The following PRPSAP2 variants were observed in gnomAD, a reference collection of about 807,000 sequenced individuals.
PRPSAP2 encodes the protein phosphoribosyl pyrophosphate synthetase associated protein 2, also known as phosphoribosyl pyrophosphate synthase-associated protein 2.
In PRPSAP2, 24 loss-of-function variants were observed where a neutral mutation model predicts 40.6. The ratio of observed to expected loss-of-function variants is 0.59; its 90% CI spans 0.43 to 0.83. The LOEUF is 0.83. Ranked by LOEUF, PRPSAP2 falls within the 40% of genes least tolerant of loss-of-function variation. PRPSAP2 has a pLI of 0.00. For missense variants in PRPSAP2, 292 were observed against 465.6 expected (o/e 0.63, Z 3.43); for synonymous variants, 149 against 164.7 (o/e 0.90, Z 0.73).
rs116176167 is a variant in PRPSAP2, at chr17:18,867,708, C to T, written c.172+374C>T. On this transcript the variant is annotated intron_variant, in intron 4 of 11. Coordinates refer to ENST00000268835, the MANE Select transcript of PRPSAP2 (RefSeq NM_002767.4). ...ACAGGATGACTAAATCCTGTGTGAC[C>T]GCAGTTTTAGTTAGTCTTTATTTGC... Among the ~76,000 whole-genome samples, 353 of 152,192 alleles carry T rather than the reference C, an allele frequency of 2.3e-3. 2 individuals are homozygous for T. Among genetic ancestry groups the T allele is most frequent in the African/African-American group, 7.8e-3 (324 of 41,524 alleles).
intron 6 of PRPSAP2, among the ~76,000 whole-genome samples, chr17:18,880,020 C>T (rs1232403091): frequency 2.0e-5 from 3 of 151,974 alleles, no homozygotes; most frequent in Non-Finnish European, 2.9e-5. Context: ...TGCTTGAACC[C>T]GGGAGGTGGA....
chr17:18,898,277 T>G lies in PRPSAP2; in HGVS notation c.584+8400T>G, dbSNP rs540340715. Among the ~76,000 whole-genome samples, 11 of 151,880 alleles carry G rather than the reference T, an allele frequency of 7.2e-5. No individual in the cohort carries two copies. In the South Asian group the frequency reaches 1.0e-3, roughly 14 times the overall value. ...CTCCCAAAGTGCTGGGATTACAGGCTTGAGCCACCACACCCAGCCAGAATT... is the reference window on the plus strand; with the variant it reads ...CTCCCAAAGTGCTGGGATTACAGGCGTGAGCCACCACACCCAGCCAGAATT... On this transcript the variant is annotated intron_variant, in intron 8 of 11. Transcript: ENST00000268835.
intron 9 of PRPSAP2, among the ~76,000 whole-genome samples, chr17:18,914,380 C>T (rs566016154): frequency 6.6e-6 from 1 of 150,862 alleles, no homozygotes; most frequent in South Asian, 2.1e-4. Context: ...ACCTCAGCCT[C>T]CCAAGTAGCT....
intron 8 of PRPSAP2, among the ~76,000 whole-genome samples, chr17:18,893,284 G>T (rs1449290762): frequency 6.6e-6 from 1 of 151,744 alleles, no homozygotes; most frequent in Non-Finnish European, 1.5e-5. Context: ...GAGTAGCTGG[G>T]ATTACAGGTG....
intron 8 of PRPSAP2, among the ~76,000 whole-genome samples, chr17:18,898,609 A>G (rs1022271543): frequency 3.9e-5 from 6 of 152,128 alleles, no homozygotes; most frequent in Non-Finnish European, 8.8e-5. Flanking sequence ...TTTTTGTGTC[A>G]CTTTCTTTTG....
chr17:18,916,804 C>T (rs1460980804), intron 9 of PRPSAP2, among the ~76,000 whole-genome samples: 5 of 152,176 alleles, frequency 3.3e-5, no homozygotes, highest in African/African-American at 1.2e-4. Context: ...TGAGGTGGCA[C>T]CTTGTTACTG....
At chr17:18,891,806 G>C (rs971159534) in intron 8 of PRPSAP2, among the ~76,000 whole-genome samples, 1 of 152,202 alleles carries the variant, frequency 6.6e-6, no homozygotes, top group Admixed American at 6.5e-5. Flanking sequence ...CTTTCACTTA[G>C]CAGTTTTCAA....
At chr17:18,872,122 A>T (rs185514613) in intron 4 of PRPSAP2, among the ~76,000 whole-genome samples, 1 of 152,054 alleles carries the variant, frequency 6.6e-6, no homozygotes. Context: ...AATACAAAAC[A>T]GTTAGCTGGA....
At chr17:18,891,224 A>G (rs1199804594) in intron 8 of PRPSAP2, among the ~76,000 whole-genome samples, 1 of 152,230 alleles carries the variant, frequency 6.6e-6, no homozygotes, top group Non-Finnish European at 1.5e-5. Context: ...ACTTGCACAC[A>G]GTAAGCCATT....
chr17:18,894,528 G>A (rs1037586913), intron 8 of PRPSAP2, among the ~76,000 whole-genome samples: 3 of 140,654 alleles, frequency 2.1e-5, no homozygotes, highest in African/African-American at 8.2e-5. Flanking sequence ...TGCCCAGGCT[G>A]GAGTGCAGTG....
chr17:18,881,128 C>T (rs2038697912), intron 6 of PRPSAP2, among the ~76,000 whole-genome samples: 1 of 151,546 alleles, frequency 6.6e-6, no homozygotes, highest in Non-Finnish European at 1.5e-5. Flanking sequence ...GCCATCGCAC[C>T]TGACCAAGAC....
chr17:18,897,838 C>T (rs1018507181), intron 8 of PRPSAP2, among the ~76,000 whole-genome samples: 1 of 151,934 alleles, frequency 6.6e-6, no homozygotes, highest in Non-Finnish European at 1.5e-5. Flanking sequence ...ATATACAAAA[C>T]ATATTACAAT....
chr17:18,869,519 T>A (rs866046961), intron 4 of PRPSAP2, among the ~76,000 whole-genome samples: 31 of 150,168 alleles, frequency 2.1e-4, no homozygotes, highest in African/African-American at 3.7e-4. Context: ...TTTTTTTTTT[T>A]AAATATGGAG....
intron 9 of PRPSAP2, among the ~76,000 whole-genome samples, chr17:18,921,806 A>G (rs944016648): frequency 6.6e-6 from 1 of 152,188 alleles, no homozygotes; most frequent in African/African-American, 2.4e-5. Context: ...TTTTTGTGAC[A>G]TTGCCTTAAA....
intron 7 of PRPSAP2, among the ~76,000 whole-genome samples, chr17:18,885,403 CAAAAAAAAAAAA>C (rs775079199): frequency 1.8e-4 from 2 of 10,994 alleles, no homozygotes; most frequent in South Asian, 2.8e-3. Context: ...TTCCTTCTCA[CAAAAAAAAAAAA>C]AAAAAAAAAA....
chr17:18,872,512 GA>G lies in PRPSAP2; in HGVS notation c.173-70del, dbSNP rs572439380. The G allele has an allele frequency of 2.8e-5, 33 of 1,189,618 alleles. No individual in the cohort carries two copies. The South Asian group carries it at 3.8e-4, about 14-fold the overall frequency. The allele number at this position is 1,189,618 out of a possible 1,614,324, so 73.7% of individuals were successfully genotyped here. On this transcript the variant is annotated intron_variant, in intron 4 of 11. Coordinates refer to ENST00000268835, the MANE Select transcript of PRPSAP2 (RefSeq NM_002767.4). Reference sequence around the variant, plus strand: ...TTCTATTACATTAGGGAATAATACAGATTTTTTTGTGTATTTTGAAAAATTT... The same window carrying G: ...TTCTATTACATTAGGGAATAATACAGTTTTTTTGTGTATTTTGAAAAATTT...
At chr17:18,910,694 A>G (rs2040908393) in intron 8 of PRPSAP2, among the ~76,000 whole-genome samples, 5 of 152,164 alleles carry the variant, frequency 3.3e-5, no homozygotes, top group Admixed American at 3.3e-4. Context: ...TTACCTCCCT[A>G]AAACTATTAA....
At chr17:18,863,859 T>G (rs1452643703) in intron 1 of PRPSAP2, among the ~76,000 whole-genome samples, 27 of 146,126 alleles carry the variant, frequency 1.8e-4, no homozygotes, top group African/African-American at 6.7e-4. Context: ...TTTTTAATTT[T>G]TTAGATGGAG....
Position 18,889,842 on chromosome 17 carries a change from A to T in PRPSAP2, c.549A>T (p.Ala183=). 1 of 1,610,568 alleles carries T rather than the reference A, an allele frequency of 6.2e-7. No homozygotes were observed. Among genetic ancestry groups the T allele is most frequent in the Non-Finnish European group, 8.5e-7 (1 of 1,178,324 alleles). The change falls in exon 8 of 12, where the codon GCA becomes GCT. Residue 183 remains alanine (A), a synonymous_variant. Coordinates refer to ENST00000268835, the MANE Select transcript of PRPSAP2 (RefSeq NM_002767.4). ...CACAGATCCCAGATTACAGGAATGCAGTAATCGTGGCCAAGTCTCCAGCCT... is the reference window on the plus strand; with the variant it reads ...CACAGATCCCAGATTACAGGAATGCTGTAATCGTGGCCAAGTCTCCAGCCT... ...IQEEIPDYRN[A]VIVAKSPASA...
Sources: gnomAD v4.1 joint callset for allele counts (sites outside exome capture counted in the v4.1 genomes callset) on GRCh38, gnomAD v4.1.1 for gene constraint, MANE v1.5 for transcripts, NCBI Gene and HGNC (gene_info 2026-07-23, HGNC 2026-07-21) for gene names.